Variants in COL6A5 observed in about 807,000 individuals in gnomAD.
The protein encoded by COL6A5 is collagen alpha-5(VI) chain.
Under a neutral mutation model 65.6 loss-of-function variants are expected in COL6A5, and 48 were observed. The observed-to-expected ratio is 0.73, with a 90% CI of 0.58 to 0.93. The LOEUF (loss-of-function observed/expected upper bound fraction) is 0.93, where lower values mean the gene tolerates loss of function less well. Among genes scored for constraint, COL6A5 ranks in the 40% least tolerant of loss-of-function variants. The pLI is 0.00. For missense variants in COL6A5, 914 were observed against 928.3 expected (o/e 0.98, Z 0.20); for synonymous variants, 291 against 322.8 (o/e 0.90, Z 1.05).
At chr3:130,413,454 T>C (rs991710806) in intron 20 of COL6A5, 91 bp from the exon 21 acceptor site, 15 of 1,196,870 alleles carry the variant, frequency 1.3e-5, no homozygotes, top group African/African-American at 9.1e-5. Flanking sequence ...TCATTACTTA[T>C]GTCTAGCAGA....
At chr3:130,354,966 A>T (rs1389529233) in intron 1 of COL6A5, among the ~76,000 whole-genome samples, 1 of 152,186 alleles carries the variant, frequency 6.6e-6, no homozygotes, top group Non-Finnish European at 1.5e-5. Context: ...TATCTCATTA[A>T]TAATTTTTAT....
chr3:130,403,507 C>A, intron 12 of COL6A5, 102 bp from the exon 13 acceptor site: 2 of 984,314 alleles, frequency 2.0e-6, no homozygotes, highest in Non-Finnish European at 1.5e-6. Flanking sequence ...AAACTGCAAC[C>A]AAGTTGGAGG....
At chr3:130,347,138 A>G (rs1934511024) in intron 1 of COL6A5, among the ~76,000 whole-genome samples, 1 of 152,156 alleles carries the variant, frequency 6.6e-6, no homozygotes, top group Non-Finnish European at 1.5e-5. Flanking sequence ...TGAAATCTAA[A>G]TCCACTGCTG....
chr3:130,415,133 A>G (rs1937301895), intron 22 of COL6A5, among the ~76,000 whole-genome samples: 1 of 152,026 alleles, frequency 6.6e-6, no homozygotes, highest in Admixed American at 6.5e-5. Context: ...CGTTACTGCC[A>G]CCTCTAGTTT....
At chr3:130,353,779 C>G (rs1216270811) in intron 1 of COL6A5, among the ~76,000 whole-genome samples, 1 of 151,412 alleles carries the variant, frequency 6.6e-6, no homozygotes, top group Non-Finnish European at 1.5e-5. Flanking sequence ...TTTCTTTGAT[C>G]TCAAACTGTT....
At chr3:130,410,329 A>G (rs1937133971) in intron 19 of COL6A5, 142 bp from the exon 20 acceptor site, 1 of 679,664 alleles carries the variant, frequency 1.5e-6, no homozygotes, top group African/African-American at 1.8e-5. Context: ...GAAAGGGCAT[A>G]TAACTGTTAA....
intron 8 of COL6A5, among the ~76,000 whole-genome samples, chr3:130,396,653 C>A (rs1457175203): frequency 6.6e-6 from 1 of 152,162 alleles, no homozygotes; most frequent in Non-Finnish European, 1.5e-5. Context: ...GAAGATCTGA[C>A]AACACTAGGC....
intron 1 of COL6A5, among the ~76,000 whole-genome samples, chr3:130,364,492 T>C (rs915239827): frequency 6.6e-6 from 1 of 152,202 alleles, no homozygotes; most frequent in African/African-American, 2.4e-5. Context: ...AAATAGAGTA[T>C]ACATCTTAGC....
At chr3:130,408,773 G>A (rs1937083392) in intron 17 of COL6A5, among the ~76,000 whole-genome samples, 1 of 152,020 alleles carries the variant, frequency 6.6e-6, no homozygotes, top group Non-Finnish European at 1.5e-5. Flanking sequence ...TCTTAGACTA[G>A]TGACACTTAG....
At chr3:130,410,203 T>C in intron 19 of COL6A5, 129 bp downstream of exon 19, 1 of 713,734 alleles carries the variant, frequency 1.4e-6, no homozygotes. Flanking sequence ...CCTTTATTTT[T>C]TGATGATGCA....
chr3:130,469,207 C>G (rs769140087), exon 6 of COL6A5: 3 of 1,613,094 alleles, frequency 1.9e-6, no homozygotes, highest in Non-Finnish European at 2.5e-6. Context: ...TTGTAGGAAC[C>G]CCCAATCTGA....
At chr3:130,442,382 T>C (rs935450755) in intron 3 of COL6A5, among the ~76,000 whole-genome samples, 1 of 152,172 alleles carries the variant, frequency 6.6e-6, no homozygotes, top group East Asian at 1.9e-4. Context: ...TTTTTTTCTA[T>C]GCAATTTTGT....
intron 1 of COL6A5, among the ~76,000 whole-genome samples, chr3:130,353,065 A>C: frequency 6.6e-6 from 1 of 152,244 alleles, no homozygotes; most frequent in East Asian, 1.9e-4. Context: ...TCAAGTGAAA[A>C]TTATGAAACC....
intron 3 of COL6A5, 130 bp from the exon 36 acceptor site, chr3:130,443,346 C>T (rs1161815599): frequency 4.9e-6 from 3 of 617,704 alleles, no homozygotes; most frequent in East Asian, 2.9e-5. Context: ...CTGTTTTCAC[C>T]CCAGCCAAAT....
intron 7 of COL6A5, among the ~76,000 whole-genome samples, chr3:130,394,580 C>T (rs1936526678): frequency 1.3e-5 from 2 of 152,136 alleles, no homozygotes; most frequent in Admixed American, 6.5e-5. Flanking sequence ...GACGTCTACC[C>T]TTTATAATCA....
chr3:130,368,031 C>T (rs928792265), intron 1 of COL6A5, among the ~76,000 whole-genome samples: 2 of 152,190 alleles, frequency 1.3e-5, no homozygotes. Flanking sequence ...ACATACTGGT[C>T]CTAGTACTGC....
intron 1 of COL6A5, among the ~76,000 whole-genome samples, chr3:130,436,777 G>T (rs1709044938): frequency 6.6e-6 from 1 of 151,508 alleles, no homozygotes. Flanking sequence ...TTTCTGATTC[G>T]GCTTCATCAC....
upstream of COL6A5, among the ~76,000 whole-genome samples, chr3:130,427,825 T>C (rs1937638518): frequency 6.6e-6 from 1 of 151,776 alleles, no homozygotes; most frequent in South Asian, 2.1e-4. Flanking sequence ...CTGCCAAATG[T>C]GGGCAGCTTG....
chr3:130,415,538 TG>T (rs1937312766), intron 22 of COL6A5, 106 bp from the exon 23 acceptor site: 5 of 969,492 alleles, frequency 5.2e-6, no homozygotes, highest in Non-Finnish European at 7.6e-6. Context: ...TAAAAGGCTG[TG>T]GGAAGGGCTG....
Sources: gnomAD v4.1 joint callset for allele counts (sites outside exome capture counted in the v4.1 genomes callset) on GRCh38, gnomAD v4.1.1 for gene constraint, MANE v1.5 for transcripts, NCBI Gene and HGNC (gene_info 2026-07-23, HGNC 2026-07-21) for gene names.